Variants in GRM3 observed in about 807,000 individuals in gnomAD.
The protein encoded by GRM3 is metabotropic glutamate receptor 3.
A neutral mutation model predicts 70.5 loss-of-function variants in GRM3; 26 were observed. The observed-to-expected ratio is 0.37, with a 90% CI of 0.27 to 0.51. The LOEUF (loss-of-function observed/expected upper bound fraction) is 0.51, where lower values mean the gene tolerates loss of function less well. Ranked by LOEUF, GRM3 falls within the 20% of genes least tolerant of loss-of-function variation. The probability of loss-of-function intolerance (pLI) is 0.93; values close to 1 mark genes in which losing one functional copy is unlikely to be tolerated. For missense variants in GRM3, 859 were observed against 1,123.8 expected (o/e 0.76, Z 3.37); for synonymous variants, 443 against 434.9 (o/e 1.02, Z -0.23).
intron 3 of GRM3, among the ~76,000 whole-genome samples, chr7:86,807,728 A>G (rs900553043): frequency 5.3e-5 from 8 of 152,052 alleles, no homozygotes; most frequent in African/African-American, 1.9e-4. Flanking sequence ...CTAATTGAGT[A>G]CCCTTTATTT....
At chr7:86,693,452 G>T (rs1003377760) in intron 1 of GRM3, among the ~76,000 whole-genome samples, 16 of 152,114 alleles carry the variant, frequency 1.1e-4, no homozygotes, top group Admixed American at 1.0e-3. Flanking sequence ...CCTAAAGATT[G>T]CAGAAACAAA....
chr7:86,775,766 T>C (rs139637538), intron 2 of GRM3, among the ~76,000 whole-genome samples: 258 of 152,200 alleles, frequency 1.7e-3, no homozygotes, highest in African/African-American at 5.9e-3. Context: ...CATCTCTGTC[T>C]TTGTGTTCTC....
chr7:86,835,231 G>T (rs1027413485), intron 3 of GRM3, among the ~76,000 whole-genome samples: 4 of 151,812 alleles, frequency 2.6e-5, no homozygotes, highest in African/African-American at 9.7e-5. Flanking sequence ...ATAAATTATT[G>T]TATGGTAATA....
At chr7:86,672,654 C>T (rs1167900800) in intron 1 of GRM3, among the ~76,000 whole-genome samples, 5 of 151,974 alleles carry the variant, frequency 3.3e-5, no homozygotes, top group African/African-American at 1.2e-4. Flanking sequence ...GGAACACATC[C>T]GGTGTGTGTG....
intron 1 of GRM3, among the ~76,000 whole-genome samples, chr7:86,709,437 T>C (rs1391666837): frequency 6.6e-6 from 1 of 152,094 alleles, no homozygotes; most frequent in Non-Finnish European, 1.5e-5. Context: ...GTAAATTTTA[T>C]TCTCTTGCAT....
intron 3 of GRM3, among the ~76,000 whole-genome samples, chr7:86,808,620 A>ATG (rs955072194): frequency 1.3e-5 from 2 of 151,672 alleles, no homozygotes; most frequent in Admixed American, 1.3e-4. Context: ...TTGTGTTTGT[A>ATG]TGTGTGTGTG....
intron 1 of GRM3, among the ~76,000 whole-genome samples, chr7:86,736,553 A>C (rs1795864333): frequency 6.6e-6 from 1 of 152,134 alleles, no homozygotes; most frequent in Non-Finnish European, 1.5e-5. Context: ...TTTTAAGGGA[A>C]ACGTAGCAAT....
intron 1 of GRM3, among the ~76,000 whole-genome samples, chr7:86,689,530 T>G (rs530677629): frequency 2.2e-4 from 33 of 152,248 alleles, no homozygotes; most frequent in African/African-American, 7.7e-4. Context: ...TAACTTTGTC[T>G]TTGAAGGTTT....
At chr7:86,712,799 C>T (rs1795228542) in intron 1 of GRM3, among the ~76,000 whole-genome samples, 2 of 152,026 alleles carry the variant, frequency 1.3e-5, no homozygotes, top group Non-Finnish European at 2.9e-5. Context: ...CATGTTGCTG[C>T]AAATAACAGA....
intron 1 of GRM3, among the ~76,000 whole-genome samples, chr7:86,756,925 T>G (rs75392979): frequency 0.051 from 7,699 of 152,274 alleles, 280 homozygotes; most frequent in South Asian, 0.095. Context: ...ATTATTTCTT[T>G]TGGTCCATTT....
chr7:86,850,896 T>C (rs1798743491), intron 5 of GRM3, among the ~76,000 whole-genome samples: 1 of 152,184 alleles, frequency 6.6e-6, no homozygotes, highest in Non-Finnish European at 1.5e-5. Context: ...CTCTATTGCT[T>C]TCTGCCTCAT....
In GRM3 at chr7:86,646,048, G is replaced by A. The variant is rs1584135234; in HGVS notation, c.-141+1176G>A. 2.1e-5 allele frequency among the ~76,000 whole-genome samples: 3 copies of A among 146,330 alleles called. No homozygotes were observed. The Admixed American group carries it at 2.1e-4, about 10-fold the overall frequency. On this transcript the variant is annotated intron_variant, in intron 1 of 5. Transcript: ENST00000361669. ...GAGTTTAGGGGGTGGAGTCTGCTTT[G>A]GTTTATCTGATCACACACTTTAAGA...
chr7:86,805,787 T>C (rs1017856255), intron 3 of GRM3, among the ~76,000 whole-genome samples: 1 of 152,194 alleles, frequency 6.6e-6, no homozygotes, highest in Non-Finnish European at 1.5e-5. Context: ...CTAGGGTACA[T>C]GTGCACAACA....
intron 3 of GRM3, among the ~76,000 whole-genome samples, chr7:86,835,297 T>C (rs1696622772): frequency 6.6e-6 from 1 of 152,074 alleles, no homozygotes; most frequent in African/African-American, 2.4e-5. Flanking sequence ...TGTTAGCCAT[T>C]TGAGAAAAAA....
At chr7:86,757,065 C>A (rs1424157275) in intron 1 of GRM3, among the ~76,000 whole-genome samples, 1 of 152,028 alleles carries the variant, frequency 6.6e-6, no homozygotes, top group Admixed American at 6.6e-5. Flanking sequence ...CTGAGATTCC[C>A]CAACTATTCA....
rs144458295 is a variant in GRM3 at position 86,668,358 on chromosome 7, A to G, written c.-141+23486A>G. On this transcript the variant is annotated intron_variant, in intron 1 of 5. Coordinates refer to ENST00000361669, the MANE Select transcript of GRM3 (RefSeq NM_000840.3). ...CATGAAAATGTACATACATTCACTC[A>G]CTTGCAGGCTAAATAGCTACTAGGG... is the stretch of plus-strand genomic sequence containing the variant. Among the ~76,000 whole-genome samples the G allele has an allele frequency of 2.0e-3, 298 of 152,172 alleles. 2 individuals are homozygous for G. Among genetic ancestry groups the G allele is most frequent in the African/African-American group, 7.0e-3 (292 of 41,498 alleles).
intron 1 of GRM3, among the ~76,000 whole-genome samples, chr7:86,719,867 C>G (rs1295426330): frequency 6.6e-6 from 1 of 151,914 alleles, no homozygotes; most frequent in Admixed American, 6.6e-5. Context: ...GCCAATGACA[C>G]TAGCATGACT....
intron 1 of GRM3, among the ~76,000 whole-genome samples, chr7:86,647,104 G>A (rs903933028): frequency 2.6e-5 from 4 of 152,154 alleles, no homozygotes; most frequent in Non-Finnish European, 5.9e-5. Flanking sequence ...ATTGTCAAAA[G>A]CTCACTGCTT....
chr7:86,648,997 A>T (rs113893630), intron 1 of GRM3, among the ~76,000 whole-genome samples: 13 of 152,264 alleles, frequency 8.5e-5, no homozygotes, highest in African/African-American at 3.1e-4. Flanking sequence ...TCAGCATCTA[A>T]AAACACCATT....
Sources: gnomAD v4.1 joint callset for allele counts (sites outside exome capture counted in the v4.1 genomes callset) on GRCh38, gnomAD v4.1.1 for gene constraint, MANE v1.5 for transcripts, NCBI Gene and HGNC (gene_info 2026-07-23, HGNC 2026-07-21) for gene names.